PRKN: variants seen among roughly 807,000 people sequenced by gnomAD.
The protein encoded by PRKN is E3 ubiquitin-protein ligase parkin.
PRKN carries 56 observed loss-of-function variants against 59.5 expected under a neutral mutation model. The ratio of observed to expected loss-of-function variants is 0.94; its 90% CI spans 0.76 to 1.18. The LOEUF (loss-of-function observed/expected upper bound fraction) is 1.18. Ranked by LOEUF, PRKN falls within the 50% of genes most tolerant of loss-of-function variation. The pLI, the probability that PRKN is intolerant of heterozygous loss-of-function variation, is 0.00. For synonymous variants in PRKN, 250 were observed against 222.1 expected (o/e 1.13, Z -1.12); for missense variants, 657 against 596.4 (o/e 1.10, Z -1.06).
At chr6:161,941,568 G>A (rs1454225931) in intron 6 of PRKN, among the ~76,000 whole-genome samples, 1 of 152,226 alleles carries the variant, frequency 6.6e-6, no homozygotes, top group Non-Finnish European at 1.5e-5. Context: ...AAAGTCCTCT[G>A]TCTTTGTGAT....
intron 7 of PRKN, among the ~76,000 whole-genome samples, chr6:161,569,942 G>A (rs1424167405): frequency 1.3e-5 from 2 of 151,776 alleles, no homozygotes; most frequent in East Asian, 3.9e-4. Context: ...TTTGTCAAGA[G>A]GCTTTGTGAA....
At chr6:162,112,862 G>T (rs1416530584) in intron 4 of PRKN, among the ~76,000 whole-genome samples, 1 of 152,020 alleles carries the variant, frequency 6.6e-6, no homozygotes, top group African/African-American at 2.4e-5. Flanking sequence ...GGTCAAGGCG[G>T]CAGTGAGCCA....
intron 7 of PRKN, among the ~76,000 whole-genome samples, chr6:161,720,118 T>C (rs570886999): frequency 1.3e-4 from 20 of 152,322 alleles, no homozygotes; most frequent in African/African-American, 4.3e-4. Flanking sequence ...AAAAAAATAA[T>C]TAAGGCTAAA....
intron 1 of PRKN, among the ~76,000 whole-genome samples, chr6:162,495,826 T>C (rs1187425984): frequency 3.9e-5 from 6 of 152,176 alleles, no homozygotes; most frequent in Non-Finnish European, 4.4e-5. Context: ...GTTCTCACCA[T>C]CCCACACCTG....
At chr6:162,174,484 C>T (rs1162759690) in intron 4 of PRKN, among the ~76,000 whole-genome samples, 4 of 152,134 alleles carry the variant, frequency 2.6e-5, no homozygotes, top group African/African-American at 7.2e-5. Flanking sequence ...ACTTAACCTG[C>T]ATATTTCTAT....
Position 162,727,719 on chromosome 6 carries a change from G to A in PRKN, c.-51C>T, listed in dbSNP as rs985766495. 2.2e-5 allele frequency: 34 copies of A among 1,547,572 alleles called. No individual in the cohort carries two copies. The highest frequency in any genetic ancestry group is 5.8e-5 in the Admixed American group (3 of 51,334). ...GGCCAGGAACAGGCCCATGCGCGCAGCGGCGCCAGCCGCGCCTCCCACCAG... is the reference window on the plus strand; with the variant it reads ...GGCCAGGAACAGGCCCATGCGCGCAACGGCGCCAGCCGCGCCTCCCACCAG... On this transcript the variant is annotated 5_prime_UTR_variant, in exon 1 of 12. Coordinates refer to ENST00000366898, the MANE Select transcript of PRKN (RefSeq NM_004562.3).
At chr6:161,735,018 CAAAA>C (rs111861396) in intron 7 of PRKN, among the ~76,000 whole-genome samples, 1 of 97,896 alleles carries the variant, frequency 1.0e-5, no homozygotes. Flanking sequence ...TATAAACAAG[CAAAA>C]AAAAAAAAAA....
intron 5 of PRKN, among the ~76,000 whole-genome samples, chr6:162,028,644 T>C (rs1436760738): frequency 1.3e-5 from 2 of 152,126 alleles, no homozygotes; most frequent in African/African-American, 4.8e-5. Context: ...GGCTACAAAA[T>C]GGAGCAGTGA....
intron 2 of PRKN, among the ~76,000 whole-genome samples, chr6:162,268,088 G>C (rs1207210591): frequency 6.6e-6 from 1 of 152,036 alleles, no homozygotes. Context: ...AAAACATATA[G>C]AATATACTTA....
chr6:162,404,379 A>AAAAAAGAAAG (rs1282786856), intron 2 of PRKN, among the ~76,000 whole-genome samples: 1 of 151,694 alleles, frequency 6.6e-6, no homozygotes, highest in African/African-American at 2.4e-5. Flanking sequence ...GAAAAAAAAA[A>AAAAAAGAAAG]AAAGAAAGAA....
chr6:161,759,043 G>C (rs1204857265), intron 7 of PRKN, among the ~76,000 whole-genome samples: 2 of 152,096 alleles, frequency 1.3e-5, no homozygotes, highest in Admixed American at 1.3e-4. Flanking sequence ...CAGGCGTGGT[G>C]GTGGGCACCT....
chr6:162,267,417 G>C (rs1161753375), intron 2 of PRKN, among the ~76,000 whole-genome samples: 2 of 151,898 alleles, frequency 1.3e-5, no homozygotes, highest in Non-Finnish European at 2.9e-5. Context: ...AGTTCTCCTA[G>C]TATACAAAAA....
chr6:161,882,770 G>A (rs1181154573), intron 6 of PRKN, among the ~76,000 whole-genome samples: 4 of 151,872 alleles, frequency 2.6e-5, no homozygotes, highest in Admixed American at 6.6e-5. Context: ...TTGGGAGGCC[G>A]AGGTGGGTGG....
chr6:162,021,140 ATATATATATATATATATATATAT>A (rs1423637062), intron 5 of PRKN, among the ~76,000 whole-genome samples: 6,201 of 51,208 alleles, frequency 0.12, 1,123 homozygotes, highest in East Asian at 0.6. Context: ...ATATATATAT[ATATATATATATATATATATATAT>A]ATAAAATATA....
chr6:162,258,437 G>A (rs191889676), intron 3 of PRKN, among the ~76,000 whole-genome samples: 3 of 152,246 alleles, frequency 2.0e-5, no homozygotes, highest in Admixed American at 2.0e-4. Flanking sequence ...GATGAATGGC[G>A]CCTCATTTAG....
chr6:162,523,327 A>G (rs1778148862), intron 1 of PRKN, among the ~76,000 whole-genome samples: 1 of 152,160 alleles, frequency 6.6e-6, no homozygotes, highest in Non-Finnish European at 1.5e-5. Flanking sequence ...TCTCAATGGA[A>G]GCGATGGAAA....
chr6:161,722,618 C>A (rs988243267), intron 7 of PRKN, among the ~76,000 whole-genome samples: 1 of 152,110 alleles, frequency 6.6e-6, no homozygotes, highest in African/African-American at 2.4e-5. Flanking sequence ...TTCTGCCCCA[C>A]GAAGTTGATC....
rs537169801 is a variant in PRKN, at chr6:161,568,992, T to C, written c.933+363A>G. Among the ~76,000 whole-genome samples, 4 of 149,694 alleles carry C rather than the reference T, an allele frequency of 2.7e-5. No individual in the cohort carries two copies. The East Asian group carries it at 7.9e-4, about 29-fold the overall frequency. On this transcript the variant is annotated intron_variant, in intron 8 of 11. Transcript: ENST00000366898. ...CCTGGTAAAAAAAAAAAAAAAATGCTCACACATTCACCCACAGACAGCAAC... is the reference window on the plus strand; with the variant it reads ...CCTGGTAAAAAAAAAAAAAAAATGCCCACACATTCACCCACAGACAGCAAC...
At chr6:162,548,392 G>A (rs1779205046) in intron 1 of PRKN, among the ~76,000 whole-genome samples, 1 of 152,126 alleles carries the variant, frequency 6.6e-6, no homozygotes. Flanking sequence ...TCAGAAAAAT[G>A]TGAATGCATA....
Sources: gnomAD v4.1 joint callset for allele counts (sites outside exome capture counted in the v4.1 genomes callset) on GRCh38, gnomAD v4.1.1 for gene constraint, MANE v1.5 for transcripts, NCBI Gene and HGNC (gene_info 2026-07-23, HGNC 2026-07-21) for gene names.